The following CDH19 variants were observed in gnomAD, a reference collection of about 807,000 sequenced individuals.
CDH19 encodes the protein cadherin-19.
A neutral mutation model predicts 64.2 loss-of-function variants in CDH19; 67 were observed. The ratio of observed to expected loss-of-function variants is 1.04; its 90% CI spans 0.86 to 1.28. The LOEUF is 1.28. Among genes scored for constraint, CDH19 ranks in the 50% most tolerant of loss-of-function variants. The pLI, the probability that CDH19 is intolerant of heterozygous loss-of-function variation, is 0.00. For synonymous variants in CDH19, 346 were observed against 319.3 expected (o/e 1.08, Z -0.89); for missense variants, 1,030 against 929.0 (o/e 1.11, Z -1.41).
At chr18:66,506,735 A>G (rs146788378) in intron 11 of CDH19, among the ~76,000 whole-genome samples, 2 of 151,916 alleles carry the variant, frequency 1.3e-5, no homozygotes, top group East Asian at 1.9e-4. Flanking sequence ...CCAACCTAGG[A>G]TCTTATGTAG....
Position 66,568,582 on chromosome 18 carries a change from C to T in CDH19, c.324G>A (p.Glu108=). Residue 108 remains glutamate, a synonymous_variant, in exon 3 of 12, where the codon GAG becomes GAA. Coordinates refer to ENST00000262150, the MANE Select transcript of CDH19 (RefSeq NM_021153.4). ...DIYAIQKLDR[E]ERSLYILRAQ... ...CTCTTAAGATGTAGAGGGATCGCTC[C>T]TCTCTATCAAGCTTCTGTATGGCAT... is the stretch of plus-strand genomic sequence containing the variant. The T allele has an allele frequency of 6.2e-7, 1 of 1,612,172 alleles. No individual in the cohort carries two copies. The highest frequency in any genetic ancestry group is 8.5e-7 in the Non-Finnish European group (1 of 1,178,848).
intron 7 of CDH19, among the ~76,000 whole-genome samples, chr18:66,541,092 T>C (rs1568187116): frequency 6.6e-6 from 1 of 152,142 alleles, no homozygotes; most frequent in East Asian, 1.9e-4. Flanking sequence ...TAAAGGTAGA[T>C]CTTGCTCCTC....
chr18:66,508,127 A>G (rs964964090), intron 11 of CDH19, among the ~76,000 whole-genome samples: 3 of 151,916 alleles, frequency 2.0e-5, no homozygotes, highest in African/African-American at 4.8e-5. Flanking sequence ...ATTATACTAA[A>G]TGAAAGAAGC....
In CDH19 at chr18:66,516,785, A is replaced by G. The variant is rs1361518068; in HGVS notation, c.1459-5100T>C. Among the ~76,000 whole-genome samples, 3 of 152,056 alleles carry G rather than the reference A, an allele frequency of 2.0e-5. No homozygotes were observed. The East Asian group carries it at 5.8e-4, about 29-fold the overall frequency. On this transcript the variant is annotated intron_variant, in intron 9 of 11. Transcript: ENST00000262150. Reference sequence around the variant, plus strand: ...GGTCAGGTTCACTCTAGAAGAGAAGATAGGTCCCTTAGGTTAGGTTCACTC... The same window carrying G: ...GGTCAGGTTCACTCTAGAAGAGAAGGTAGGTCCCTTAGGTTAGGTTCACTC...
intron 5 of CDH19, among the ~76,000 whole-genome samples, chr18:66,546,676 T>A (rs776149228): frequency 1.3e-5 from 2 of 152,106 alleles, no homozygotes; most frequent in Non-Finnish European, 2.9e-5. Context: ...TACTGGTATA[T>A]AAGAAGGTAG....
rs187857781 is a variant in CDH19, at chr18:66,512,486, A to G, written c.1459-801T>C. 3.8e-3 allele frequency among the ~76,000 whole-genome samples: 578 copies of G among 151,632 alleles called. 4 individuals carry two copies. The highest frequency in any genetic ancestry group is 0.013 in the African/African-American group (551 of 41,508). Reference sequence around the variant, plus strand: ...TTCTACAATTAAAGTGCCTTTAACAATATGTCAAACAAAAATAGCCTCAGA... The same window carrying G: ...TTCTACAATTAAAGTGCCTTTAACAGTATGTCAAACAAAAATAGCCTCAGA... On this transcript the variant is annotated intron_variant, in intron 9 of 11. Transcript: ENST00000262150.
At chr18:66,510,884 G>C in intron 10 of CDH19, among the ~76,000 whole-genome samples, 1 of 151,566 alleles carries the variant, frequency 6.6e-6, no homozygotes, top group Non-Finnish European at 1.5e-5. Flanking sequence ...ACAGATACTT[G>C]AGTAATAAAT....
At chr18:66,544,686 A>G (rs1449389330) in intron 6 of CDH19, 33 bp downstream of exon 6, 6 of 1,481,848 alleles carry the variant, frequency 4.0e-6, no homozygotes, top group Non-Finnish European at 5.5e-6. Context: ...ATTTTGCGCT[A>G]TTCTGCAAGG....
intron 10 of CDH19, among the ~76,000 whole-genome samples, chr18:66,510,309 CT>C (rs1448710381): frequency 6.6e-6 from 1 of 151,352 alleles, no homozygotes; most frequent in African/African-American, 2.4e-5. Context: ...ACAGTTGACA[CT>C]TTTTAAATAT....
In CDH19 at chr18:66,544,187, C is replaced by T. The variant is rs1987011343; in HGVS notation, c.998G>A (p.Arg333Lys). ...DFEHQNHYGIRAKVKNHHVPE... is the reference protein window; with the variant it reads ...DFEHQNHYGIKAKVKNHHVPE... ...AACATGATGGTTTTTAACTTTTGCT[C>T]TAATACCGTAGTGGTTCTGGTGCTC... Residue 333 changes from arginine to lysine, a missense_variant, in exon 7 of 12, where the codon AGA becomes AAA. Physicochemically the swap from Arg to Lys is conservative, Grantham distance 26. Coordinates refer to ENST00000262150, the MANE Select transcript of CDH19 (RefSeq NM_021153.4). 1 of 1,613,808 alleles carries T rather than the reference C, an allele frequency of 6.2e-7. No homozygotes were observed. Among genetic ancestry groups the T allele is most frequent in the African/African-American group, 1.3e-5 (1 of 75,032 alleles).
chr18:66,552,472 A>C (rs1484825061), intron 4 of CDH19, among the ~76,000 whole-genome samples: 1 of 88,902 alleles, frequency 1.1e-5, no homozygotes, highest in African/African-American at 9.2e-5. Context: ...AAAGTGTTTC[A>C]CACATGTAAT....
Position 66,586,547 on chromosome 18 carries a change from GA to G in CDH19, c.-112-14232del, listed in dbSNP as rs879312472. Reference sequence around the variant, plus strand: ...AATTTGAGAGATTCTTTATAAAAAGGAAAAAAAAAAGAAGGAAGCCACAAAG... The same window carrying G: ...AATTTGAGAGATTCTTTATAAAAAGGAAAAAAAAAGAAGGAAGCCACAAAG... On this transcript the variant is annotated intron_variant, in intron 1 of 11. Coordinates refer to ENST00000262150, the MANE Select transcript of CDH19 (RefSeq NM_021153.4). Among the ~76,000 whole-genome samples, 662 of 145,610 alleles carry G rather than the reference GA, an allele frequency of 4.5e-3. 2 individuals are homozygous for G. The highest frequency in any genetic ancestry group is 6.7e-3 in the Admixed American group (98 of 14,606).
intron 7 of CDH19, among the ~76,000 whole-genome samples, chr18:66,543,573 C>A (rs531256091): frequency 2.0e-4 from 31 of 152,000 alleles, no homozygotes; most frequent in Non-Finnish European, 3.5e-4. Flanking sequence ...AATATAGATA[C>A]AGATATAACC....
At chr18:66,532,162 T>C (rs1174816124) in intron 8 of CDH19, among the ~76,000 whole-genome samples, 5 of 151,990 alleles carry the variant, frequency 3.3e-5, no homozygotes, top group African/African-American at 1.2e-4. Flanking sequence ...AGACAGGCTT[T>C]TGCCATGTTG....
rs1292433370 is a variant in CDH19, at chr18:66,604,022, A to C, written c.-181T>G. ...CAAACTTCGTGTTGGACACATAAGGAAGAGTAGGAAAAACTTTCTTCTTTT... is the reference window on the plus strand; with the variant it reads ...CAAACTTCGTGTTGGACACATAAGGCAGAGTAGGAAAAACTTTCTTCTTTT... On this transcript the variant is annotated 5_prime_UTR_variant, in exon 1 of 12. Coordinates refer to ENST00000262150, the MANE Select transcript of CDH19 (RefSeq NM_021153.4). 3 of 152,062 alleles carry C rather than the reference A, an allele frequency of 2.0e-5. No homozygotes were observed. Among genetic ancestry groups the C allele is most frequent in the African/African-American group, 7.2e-5 (3 of 41,380 alleles). The allele number at this position is 152,062 out of a possible 1,614,324, so 9.4% of individuals were successfully genotyped here.
chr18:66,580,681 T>C (rs1038531677), intron 1 of CDH19, among the ~76,000 whole-genome samples: 1 of 152,096 alleles, frequency 6.6e-6, no homozygotes, highest in South Asian at 2.1e-4. Flanking sequence ...AAATATATGA[T>C]TGAAATATTT....
chr18:66,587,381 T>C (rs1988607453), intron 1 of CDH19, among the ~76,000 whole-genome samples: 1 of 152,108 alleles, frequency 6.6e-6, no homozygotes. Context: ...TTCCACTCCA[T>C]CACTCTAAGA....
chr18:66,524,322 A>G (rs1459763695), intron 9 of CDH19, among the ~76,000 whole-genome samples: 2 of 152,006 alleles, frequency 1.3e-5, no homozygotes, highest in African/African-American at 4.8e-5. Flanking sequence ...AGTGTGGACA[A>G]AGAACACAAA....
At chr18:66,584,966 C>A (rs1403095036) in intron 1 of CDH19, among the ~76,000 whole-genome samples, 1 of 151,934 alleles carries the variant, frequency 6.6e-6, no homozygotes, top group Non-Finnish European at 1.5e-5. Context: ...TTTTAGTTTT[C>A]ATGTACAATT....
Sources: gnomAD v4.1 joint callset for allele counts (sites outside exome capture counted in the v4.1 genomes callset) on GRCh38, gnomAD v4.1.1 for gene constraint, MANE v1.5 for transcripts, NCBI Gene and HGNC (gene_info 2026-07-23, HGNC 2026-07-21) for gene names.